The following CNTN5 variants were observed in gnomAD, a reference collection of about 807,000 sequenced individuals.
CNTN5 encodes contactin 5, also known as contactin-5.
CNTN5 carries 77 observed loss-of-function variants against 129.1 expected under a neutral mutation model. The ratio of observed to expected loss-of-function variants is 0.60; its 90% CI spans 0.50 to 0.72. The LOEUF is 0.72. CNTN5 is among the 30% of genes least tolerant of loss of function. The pLI is 0.00. For synonymous variants in CNTN5, 509 were observed against 465.6 expected, an observed-to-expected ratio of 1.09 and a Z score of -1.20; for missense variants, 1,478 against 1,328.8, an observed-to-expected ratio of 1.11 and a Z score of -1.75.
intron 2 of CNTN5, among the ~76,000 whole-genome samples, chr11:99,385,808 T>C (rs1367703377): frequency 1.3e-5 from 2 of 152,184 alleles, no homozygotes; most frequent in Non-Finnish European, 2.9e-5. Flanking sequence ...CAGTGCATCC[T>C]GTATATATGG....
intron 18 of CNTN5, among the ~76,000 whole-genome samples, chr11:100,272,954 A>C (rs1950433795): frequency 6.6e-6 from 1 of 152,114 alleles, no homozygotes; most frequent in Admixed American, 6.5e-5. Flanking sequence ...TCTGTAGTGA[A>C]GCATGGTCAG....
At chr11:100,302,312 T>C (rs1370748058) in intron 20 of CNTN5, among the ~76,000 whole-genome samples, 1 of 151,624 alleles carries the variant, frequency 6.6e-6, no homozygotes, top group Non-Finnish European at 1.5e-5. Context: ...TCAGTGTCTA[T>C]GGATGTTCAT....
chr11:100,288,980 C>G (rs1211453300), intron 18 of CNTN5, among the ~76,000 whole-genome samples: 1 of 145,756 alleles, frequency 6.9e-6, no homozygotes, highest in Admixed American at 6.8e-5. Context: ...ACTACAAACA[C>G]CTCTACGCAA....
chr11:100,021,461 A>G (rs918652088), intron 9 of CNTN5, among the ~76,000 whole-genome samples: 2 of 152,196 alleles, frequency 1.3e-5, no homozygotes, highest in Non-Finnish European at 2.9e-5. Flanking sequence ...TTGCATTTCT[A>G]TCACTTTTGC....
intron 2 of CNTN5, among the ~76,000 whole-genome samples, chr11:99,555,661 A>G (rs1456943206): frequency 6.6e-6 from 1 of 151,926 alleles, no homozygotes; most frequent in East Asian, 1.9e-4. Context: ...TGACATTAAT[A>G]ATTAAATGAG....
chr11:99,528,382 T>C (rs1947567832), intron 2 of CNTN5, among the ~76,000 whole-genome samples: 1 of 152,174 alleles, frequency 6.6e-6, no homozygotes, highest in African/African-American at 2.4e-5. Context: ...CATACAGAAA[T>C]ACATCTAAAA....
intron 16 of CNTN5, among the ~76,000 whole-genome samples, chr11:100,247,476 G>T (rs1949866167): frequency 6.6e-6 from 1 of 152,088 alleles, no homozygotes; most frequent in Non-Finnish European, 1.5e-5. Flanking sequence ...TTAGTAAATA[G>T]CAAACAAATG....
chr11:99,362,227 G>A, intron 2 of CNTN5, among the ~76,000 whole-genome samples: 2 of 151,980 alleles, frequency 1.3e-5, no homozygotes, highest in East Asian at 3.9e-4. Context: ...CTGTCCCTTA[G>A]TGACTAAAGA....
intron 3 of CNTN5, among the ~76,000 whole-genome samples, chr11:99,682,850 T>G (rs1953618586): frequency 6.6e-6 from 1 of 151,924 alleles, no homozygotes; most frequent in Admixed American, 6.6e-5. Flanking sequence ...CGGTGTTGTT[T>G]CATGTTGCTC....
intron 3 of CNTN5, among the ~76,000 whole-genome samples, chr11:99,767,314 G>C (rs2135313289): frequency 6.6e-6 from 1 of 152,170 alleles, no homozygotes; most frequent in Non-Finnish European, 1.5e-5. Flanking sequence ...GAGAGAGACA[G>C]ACTATGTAGA....
chr11:100,205,988 A>G (rs1320134551), intron 15 of CNTN5, among the ~76,000 whole-genome samples: 1 of 152,130 alleles, frequency 6.6e-6, no homozygotes, highest in African/African-American at 2.4e-5. Flanking sequence ...GTATTAATCA[A>G]TAACAAACAT....
At chr11:99,046,704 A>G (rs537511982) in intron 1 of CNTN5, among the ~76,000 whole-genome samples, 29 of 152,088 alleles carry the variant, frequency 1.9e-4, no homozygotes, top group Admixed American at 6.5e-5. Flanking sequence ...CACAGGCAGG[A>G]TATGTACTAG....
chr11:99,209,152 A>G (rs1457601872), intron 1 of CNTN5, among the ~76,000 whole-genome samples: 1 of 150,528 alleles, frequency 6.6e-6, no homozygotes, highest in Non-Finnish European at 1.5e-5. Context: ...CTTTCCATCT[A>G]GGATTTAATA....
intron 13 of CNTN5, among the ~76,000 whole-genome samples, chr11:100,155,353 G>A (rs1947202918): frequency 6.6e-6 from 1 of 151,852 alleles, no homozygotes; most frequent in African/African-American, 2.4e-5. Flanking sequence ...TTATTTCTGG[G>A]GCCTCTCTTC....
chr11:99,888,685 G>C (rs1948964665), intron 6 of CNTN5, among the ~76,000 whole-genome samples: 1 of 152,156 alleles, frequency 6.6e-6, no homozygotes, highest in African/African-American at 2.4e-5. Context: ...CAACATCCCA[G>C]GAAAGAAAAC....
At chr11:99,360,895 C>A (rs1297306384) in intron 2 of CNTN5, among the ~76,000 whole-genome samples, 3 of 152,092 alleles carry the variant, frequency 2.0e-5, no homozygotes, top group Admixed American at 1.3e-4. Context: ...CAATTCATTT[C>A]TCTTCTTTCT....
chr11:99,485,243 TA>T (rs11323677), intron 2 of CNTN5, among the ~76,000 whole-genome samples: 87,017 of 150,404 alleles, frequency 0.58, 25,418 homozygotes, highest in South Asian at 0.67. Context: ...CAAAATTGTT[TA>T]AAAAAAAAAG....
intron 17 of CNTN5, among the ~76,000 whole-genome samples, chr11:100,260,962 A>G (rs1950182800): frequency 1.3e-5 from 2 of 152,174 alleles, no homozygotes; most frequent in Admixed American, 1.3e-4. Context: ...CAGGCAAGAG[A>G]AAGAAATAAA....
intron 18 of CNTN5, among the ~76,000 whole-genome samples, chr11:100,282,215 T>A (rs937022149): frequency 3.9e-5 from 6 of 152,202 alleles, no homozygotes; most frequent in Non-Finnish European, 8.8e-5. Context: ...AGGCTGGGCT[T>A]GTTTGTAACC....
Sources: allele counts gnomAD v4.1 joint callset (sites outside exome capture counted in the v4.1 genomes callset), GRCh38; gene constraint gnomAD v4.1.1; transcripts MANE v1.5; gene names NCBI Gene and HGNC (gene_info 2026-07-23, HGNC 2026-07-21).